The following LANCL1 variants were observed in gnomAD, a reference collection of about 807,000 sequenced individuals.
The protein encoded by LANCL1 is LanC like glutathione S-transferase 1.
Under a neutral mutation model 50.6 loss-of-function variants are expected in LANCL1, and 50 were observed. That is an observed-to-expected ratio of 0.99 (90% CI 0.79 to 1.25). The LOEUF is 1.25. LANCL1 is among the 50% of genes most tolerant of loss of function. The pLI, the probability that LANCL1 is intolerant of heterozygous loss-of-function variation, is 0.00. For missense variants in LANCL1, 532 were observed against 480.7 expected (o/e 1.11, Z -1.00); for synonymous variants, 188 against 178.6 (o/e 1.05, Z -0.42).
At chr2:210,470,878 AAATT>A (rs1372255659) in intron 3 of LANCL1, among the ~76,000 whole-genome samples, 2 of 152,052 alleles carry the variant, frequency 1.3e-5, no homozygotes, top group African/African-American at 4.8e-5. Flanking sequence ...CCTTAAAATC[AAATT>A]AAAATTCCCT....
chr2:210,438,128 T>C (rs1010605486), intron 6 of LANCL1, among the ~76,000 whole-genome samples: 1 of 150,666 alleles, frequency 6.6e-6, no homozygotes, highest in African/African-American at 2.5e-5. Flanking sequence ...ATATGGTTTT[T>C]CTTTCTTTTT....
rs536572361 is a variant in LANCL1, at chr2:210,461,834, G to A, written c.200-6520C>T. ...GGGAAAAAAAATGAAATAAGGGCTA[G>A]CATTTTCCCTTATTGTCTCTTAAAG... On this transcript the variant is annotated intron_variant, in intron 3 of 9. Transcript: ENST00000450366. 4.7e-4 allele frequency among the ~76,000 whole-genome samples: 71 copies of A among 152,036 alleles called. 1 individual carries two copies. The highest frequency in any genetic ancestry group is 3.4e-3 in the Middle Eastern group (1 of 294).
intron 3 of LANCL1, 77 bp from the exon 4 acceptor site, chr2:210,455,391 A>G (rs749568453): frequency 8.1e-7 from 1 of 1,234,324 alleles, no homozygotes; most frequent in Non-Finnish European, 1.1e-6. Context: ...GTGTCTACTC[A>G]GCAGCGATTT....
chr2:210,467,178 C>A (rs1694090233), intron 3 of LANCL1, among the ~76,000 whole-genome samples: 1 of 152,228 alleles, frequency 6.6e-6, no homozygotes, highest in Non-Finnish European at 1.5e-5. Flanking sequence ...CTTTTTACTT[C>A]ATTTCTGACA....
At chr2:210,448,353 C>T (rs11901269) in intron 4 of LANCL1, among the ~76,000 whole-genome samples, 11,009 of 152,030 alleles carry the variant, frequency 0.072, 1,260 homozygotes, top group African/African-American at 0.25. Flanking sequence ...GCTAAAGCAG[C>T]GTTTAGAGGG....
At chr2:210,474,860 T>C (rs1694313936) in intron 2 of LANCL1, among the ~76,000 whole-genome samples, 1 of 152,208 alleles carries the variant, frequency 6.6e-6, no homozygotes, top group South Asian at 2.1e-4. Flanking sequence ...ACTGTTCTCT[T>C]TGCCAAGTCA....
At chr2:210,434,716 T>C (rs1302443192) in intron 9 of LANCL1, among the ~76,000 whole-genome samples, 153 bp from the exon 10 acceptor site, 1 of 152,140 alleles carries the variant, frequency 6.6e-6, no homozygotes, top group Non-Finnish European at 1.5e-5. Flanking sequence ...CCACCAGTGA[T>C]GGCCTCGTCC....
upstream of LANCL1, chr2:210,476,799 G>A (rs1283893616): frequency 3.0e-6 from 3 of 1,009,928 alleles, no homozygotes; most frequent in African/African-American, 3.4e-5. Flanking sequence ...AGCCTTCGCC[G>A]TTCCCGAGAC....
chr2:210,435,279 G>C (rs1692888003), intron 9 of LANCL1, 108 bp downstream of exon 9: 4 of 774,710 alleles, frequency 5.2e-6, no homozygotes, highest in South Asian at 1.6e-5. Flanking sequence ...TAAAAAAGTA[G>C]TTTAAGAATA....
In LANCL1 at chr2:210,440,640, C is replaced by T. The variant is rs751262200; in HGVS notation, c.648G>A (p.Gly216=). The T allele has an allele frequency of 6.2e-7, 1 of 1,613,820 alleles. No individual in the cohort carries two copies. The highest frequency in any genetic ancestry group is 2.2e-5 in the East Asian group (1 of 44,860). ...AAATTCCAGCCAGGCCATGAGCAGC[C>T]CCTACATAATATTCCTGGTACCATT... is the stretch of plus-strand genomic sequence containing the variant. ...MYEWYQEYYV[G]AAHGLAGIYY... Residue 216 remains glycine, a synonymous_variant, in exon 6 of 10, where the codon GGG becomes GGA. Coordinates refer to ENST00000450366, the MANE Select transcript of LANCL1 (RefSeq NM_006055.3).
At chr2:210,475,969 C>G (rs575405135) in intron 2 of LANCL1, among the ~76,000 whole-genome samples, 1 of 152,104 alleles carries the variant, frequency 6.6e-6, no homozygotes, top group Non-Finnish European at 1.5e-5. Flanking sequence ...AGGAGTAACA[C>G]GGCACATGTG....
intron 6 of LANCL1, among the ~76,000 whole-genome samples, chr2:210,440,030 T>G (rs1276253210): frequency 6.6e-6 from 1 of 152,244 alleles, no homozygotes; most frequent in Non-Finnish European, 1.5e-5. Context: ...CAGTAAATTC[T>G]ATCTGTCTTT....
intron 3 of LANCL1, among the ~76,000 whole-genome samples, chr2:210,471,005 G>C (rs1341148990): frequency 6.8e-6 from 1 of 148,040 alleles, no homozygotes; most frequent in Non-Finnish European, 1.5e-5. Context: ...CTCTACATTT[G>C]GTAAATTAAT....
chr2:210,472,651 G>A (rs1393712069), intron 2 of LANCL1, among the ~76,000 whole-genome samples: 1 of 152,122 alleles, frequency 6.6e-6, no homozygotes, highest in African/African-American at 2.4e-5. Context: ...CAGAGAATAC[G>A]GGCTTCACAA....
upstream of LANCL1, chr2:210,477,550 G>T: frequency 7.6e-7 from 1 of 1,314,980 alleles, no homozygotes; most frequent in Non-Finnish European, 9.7e-7. Flanking sequence ...TTTCAATGAA[G>T]AGTCCTAGCT....
chr2:210,443,259 G>A (rs1693201898), intron 4 of LANCL1, among the ~76,000 whole-genome samples: 1 of 152,074 alleles, frequency 6.6e-6, no homozygotes, highest in Non-Finnish European at 1.5e-5. Flanking sequence ...TTGGGGGGAG[G>A]GGAGTGGGCA....
chr2:210,435,893 C>CT (rs71043994), intron 8 of LANCL1, among the ~76,000 whole-genome samples: 18,737 of 64,430 alleles, frequency 0.29, 4,199 homozygotes, highest in Non-Finnish European at 0.37. Context: ...GGGAGACCTG[C>CT]TTTTTTTTTT....
intron 2 of LANCL1, 92 bp downstream of exon 2, chr2:210,476,224 G>A (rs376846883): frequency 1.4e-6 from 1 of 739,634 alleles, no homozygotes; most frequent in Non-Finnish European, 2.3e-6. Flanking sequence ...TTTTTTTAAA[G>A]GGGGATGCTC....
intron 3 of LANCL1, among the ~76,000 whole-genome samples, chr2:210,466,320 CG>C (rs1694057192): frequency 6.6e-6 from 1 of 152,142 alleles, no homozygotes; most frequent in African/African-American, 2.4e-5. Context: ...TAGTACTTTA[CG>C]GAACGGATTG....
Sources: allele counts gnomAD v4.1 joint callset (sites outside exome capture counted in the v4.1 genomes callset), GRCh38; gene constraint gnomAD v4.1.1; transcripts MANE v1.5; gene names NCBI Gene and HGNC (gene_info 2026-07-23, HGNC 2026-07-21).